Variants in SUSD5 observed in about 807,000 individuals in gnomAD.
SUSD5 encodes sushi domain containing 5.
Under a neutral mutation model 29.5 loss-of-function variants are expected in SUSD5, and 33 were observed. The observed-to-expected ratio is 1.12, with a 90% CI of 0.85 to 1.49. SUSD5 has a LOEUF of 1.49. Ranked by LOEUF, SUSD5 falls within the 40% of genes most tolerant of loss-of-function variation. The pLI, the probability that SUSD5 is intolerant of heterozygous loss-of-function variation, is 0.00. For missense variants in SUSD5, 776 were observed against 800.6 expected (o/e 0.97, Z 0.37); for synonymous variants, 308 against 325.3 (o/e 0.95, Z 0.57).
At chr3:33,210,196 T>A (rs1241267217) in intron 2 of SUSD5, among the ~76,000 whole-genome samples, 1 of 152,246 alleles carries the variant, frequency 6.6e-6, no homozygotes, top group Non-Finnish European at 1.5e-5. Context: ...CCTAGACATC[T>A]GGAGCACTGG....
At chr3:33,182,865 C>A (rs1242584832) in intron 3 of SUSD5, among the ~76,000 whole-genome samples, 2 of 152,202 alleles carry the variant, frequency 1.3e-5, no homozygotes, top group East Asian at 1.9e-4. Flanking sequence ...CGGCTCACTG[C>A]AAGCTCTGCC....
At position 33,217,500 on chromosome 3, in the gene SUSD5, G is replaced by C. The variant is rs114891318; in HGVS notation, c.112+1186C>G. On this transcript the variant is annotated intron_variant, in intron 1 of 4. Transcript: ENST00000309558. ...ATGTCAATTAAAAAAATTAGCAGTG[G>C]TTACTAACAGCCTTCAAAGTTAAAA... Among the ~76,000 whole-genome samples, 1,124 of 152,218 alleles carry C rather than the reference G, an allele frequency of 7.4e-3. 15 individuals carry two copies. Among genetic ancestry groups the C allele is most frequent in the African/African-American group, 0.025 (1,053 of 41,516 alleles).
chr3:33,160,835 A>G (rs1254303724), intron 4 of SUSD5, among the ~76,000 whole-genome samples: 1 of 152,170 alleles, frequency 6.6e-6, no homozygotes, highest in Non-Finnish European at 1.5e-5. Flanking sequence ...AAGAATCACT[A>G]CAAACCTCAA....
Position 33,158,754 on chromosome 3 carries a change from G to A in SUSD5, c.599-4721C>T, listed in dbSNP as rs375593926. 6.4e-4 allele frequency among the ~76,000 whole-genome samples: 97 copies of A among 152,234 alleles called. 1 individual carries two copies. The Middle Eastern group carries it at 0.014, about 21-fold the overall frequency. On this transcript the variant is annotated intron_variant, in intron 4 of 4. Coordinates refer to ENST00000309558, the MANE Select transcript of SUSD5 (RefSeq NM_015551.2). ...ATATCCCTGTTCTCAGCCAGAACCC[G>A]GCCCCCTTTCATGAGGGGTAAGGTA... is the stretch of plus-strand genomic sequence containing the variant.
intron 3 of SUSD5, among the ~76,000 whole-genome samples, chr3:33,187,749 C>T (rs2031807144): frequency 6.6e-6 from 1 of 151,510 alleles, no homozygotes; most frequent in Non-Finnish European, 1.5e-5. Flanking sequence ...GTGTGCTGCA[C>T]CCATTAACTC....
chr3:33,183,890 G>T lies in SUSD5; in HGVS notation c.410-8816C>A, dbSNP rs561671764. ...GGGCATACAATTTTAGGTTAATGGG[G>T]TTTTTTTTCCTCTTAACACTTTAAA... On this transcript the variant is annotated intron_variant, in intron 3 of 4. Coordinates refer to ENST00000309558, the MANE Select transcript of SUSD5 (RefSeq NM_015551.2). 1.1e-4 allele frequency among the ~76,000 whole-genome samples: 14 copies of T among 127,648 alleles called. No individual in the cohort carries two copies. The South Asian group carries it at 1.7e-3, about 16-fold the overall frequency. The allele number at this position is 127,648 out of a possible 152,430, so 83.7% of individuals were successfully genotyped here. A position where few individuals can be genotyped will look rare whatever the true frequency, so the allele number is the denominator to read the frequency against.
intron 3 of SUSD5, among the ~76,000 whole-genome samples, chr3:33,179,738 C>CA (rs1260062269): frequency 2.6e-5 from 4 of 152,120 alleles, no homozygotes; most frequent in African/African-American, 7.2e-5. Flanking sequence ...TTGCTCTTTT[C>CA]AAAAAACCAA....
At chr3:33,214,468 G>A (rs1014403910) in intron 1 of SUSD5, among the ~76,000 whole-genome samples, 3 of 152,016 alleles carry the variant, frequency 2.0e-5, no homozygotes, top group African/African-American at 4.8e-5. Context: ...GATGACTAAG[G>A]CACTGATTTA....
chr3:33,154,394 A>G (rs565465767), intron 4 of SUSD5, among the ~76,000 whole-genome samples: 73 of 152,226 alleles, frequency 4.8e-4, no homozygotes, highest in African/African-American at 1.5e-3. Context: ...ATGGTGGCAT[A>G]TGCCTGTAAT....
intron 3 of SUSD5, among the ~76,000 whole-genome samples, chr3:33,188,795 G>T (rs548377167): frequency 6.6e-6 from 1 of 152,332 alleles, no homozygotes; most frequent in Admixed American, 6.5e-5. Context: ...TCTATATCAT[G>T]ACTGGGTGTT....
At chr3:33,194,860 CT>C (rs2031965110) in intron 3 of SUSD5, among the ~76,000 whole-genome samples, 1 of 152,092 alleles carries the variant, frequency 6.6e-6, no homozygotes. Context: ...AATCACTTTC[CT>C]TTTTTCTTTT....
chr3:33,209,028 C>T (rs1409668785), intron 2 of SUSD5, among the ~76,000 whole-genome samples: 1 of 152,104 alleles, frequency 6.6e-6, no homozygotes, highest in African/African-American at 2.4e-5. Context: ...CACCTTTTGT[C>T]TGTCTGAAAA....
intron 1 of SUSD5, among the ~76,000 whole-genome samples, chr3:33,218,424 C>A (rs1056660048): frequency 6.6e-6 from 1 of 152,248 alleles, no homozygotes; most frequent in African/African-American, 2.4e-5. Flanking sequence ...CTTAGGAAAG[C>A]CAGCGGCGGG....
At chr3:33,172,230 A>T (rs892248167) in intron 4 of SUSD5, among the ~76,000 whole-genome samples, 3 of 150,766 alleles carry the variant, frequency 2.0e-5, no homozygotes, top group Admixed American at 1.3e-4. Context: ...CACTCTTCTT[A>T]CAAGGACACA....
intron 2 of SUSD5, among the ~76,000 whole-genome samples, chr3:33,211,139 C>T (rs1356216223): frequency 6.6e-6 from 1 of 152,172 alleles, no homozygotes; most frequent in Admixed American, 6.5e-5. Flanking sequence ...ACTAATCTGC[C>T]CGCCGTGGCC....
intron 1 of SUSD5, among the ~76,000 whole-genome samples, 190 bp from the exon 2 acceptor site, chr3:33,214,295 T>TC (rs372378171): frequency 1.3e-5 from 2 of 152,056 alleles, no homozygotes; most frequent in Non-Finnish European, 2.9e-5. Flanking sequence ...CTTTTTTTTT[T>TC]CTCTTATCTT....
chr3:33,211,499 A>G (rs1280166362), intron 2 of SUSD5, among the ~76,000 whole-genome samples: 1 of 152,238 alleles, frequency 6.6e-6, no homozygotes, highest in Non-Finnish European at 1.5e-5. Flanking sequence ...TAAGGCAGAG[A>G]GGACCACAGT....
Position 33,154,808 on chromosome 3 carries a change from C to T in SUSD5, c.599-775G>A, listed in dbSNP as rs188197567. Among the ~76,000 whole-genome samples the T allele has an allele frequency of 1.4e-3, 210 of 152,252 alleles. 2 individuals carry two copies. The highest frequency in any genetic ancestry group is 4.7e-3 in the African/African-American group (194 of 41,536). On this transcript the variant is annotated intron_variant, in intron 4 of 4. Transcript: ENST00000309558. The stretch of plus-strand genomic sequence containing the variant: ...AATGAATGGAGGAATAGACCATGAT[C>T]ATGTAGTAGAAGGCTCAAGATCATT...
Position 33,218,676 on chromosome 3 carries a change from G to A in SUSD5, c.112+10C>T. 1.6e-6 allele frequency: 2 copies of A among 1,231,782 alleles called. No homozygotes were observed. The highest frequency in any genetic ancestry group is 2.5e-5 in the South Asian group (1 of 40,792). 76.3% of individuals were successfully genotyped at this position (1,231,782 alleles called of 1,614,324 possible). On this transcript the variant is annotated intron_variant, in intron 1 of 4. Coordinates refer to ENST00000309558, the MANE Select transcript of SUSD5 (RefSeq NM_015551.2). ...TCCACCCCCCGCCCCGCCGCCTCCCGCACACTCACCATCCGCCCGCACCGA... is the reference window on the plus strand; with the variant it reads ...TCCACCCCCCGCCCCGCCGCCTCCCACACACTCACCATCCGCCCGCACCGA...
Sources: gnomAD v4.1 joint callset for allele counts (sites outside exome capture counted in the v4.1 genomes callset) on GRCh38, gnomAD v4.1.1 for gene constraint, MANE v1.5 for transcripts, NCBI Gene and HGNC (gene_info 2026-07-23, HGNC 2026-07-21) for gene names.